The following EIF4ENIF1 variants were observed in gnomAD, a reference collection of about 807,000 sequenced individuals.
The protein encoded by EIF4ENIF1 is eukaryotic translation initiation factor 4E transporter.
A neutral mutation model predicts 110.5 loss-of-function variants in EIF4ENIF1; 23 were observed. The ratio of observed to expected loss-of-function variants is 0.21; its 90% confidence interval spans 0.15 to 0.29. EIF4ENIF1 has a LOEUF of 0.29. Among genes scored for constraint, EIF4ENIF1 ranks in the 10% least tolerant of loss-of-function variants. EIF4ENIF1 has a pLI of 1.00. For synonymous variants in EIF4ENIF1, 440 were observed against 437.0 expected, an observed-to-expected ratio of 1.01 and a Z score of -0.09; for missense variants, 1,031 against 1,221.1, an observed-to-expected ratio of 0.84 and a Z score of 2.32.
upstream of EIF4ENIF1, among the ~76,000 whole-genome samples, chr22:31,490,678 A>T (rs1396282360): frequency 6.6e-6 from 1 of 152,140 alleles, no homozygotes. Context: ...TCAGGCTGAC[A>T]GGGGGCCACA....
rs189654409 is a variant in EIF4ENIF1, at chr22:31,486,857, G to T, written c.96+1766C>A. On this transcript the variant is annotated intron_variant, in intron 2 of 18. Coordinates refer to ENST00000330125, the MANE Select transcript of EIF4ENIF1 (RefSeq NM_019843.4). ...GCACTTTGGGAGGCCAAGGCGGGCAGATCACCTGAGGTTGGGAGTTCGAGA... is the reference window on the plus strand; with the variant it reads ...GCACTTTGGGAGGCCAAGGCGGGCATATCACCTGAGGTTGGGAGTTCGAGA... 1.6e-4 allele frequency among the ~76,000 whole-genome samples: 24 copies of T among 150,838 alleles called. No homozygotes were observed. The East Asian group carries it at 4.7e-3, about 30-fold the overall frequency.
intron 2 of EIF4ENIF1, among the ~76,000 whole-genome samples, chr22:31,473,515 TA>T (rs1184123846): frequency 6.6e-6 from 1 of 152,222 alleles, no homozygotes; most frequent in Non-Finnish European, 1.5e-5. Flanking sequence ...TGGTCTCCCT[TA>T]ATCTAGAACA....
intron 16 of EIF4ENIF1, 138 bp downstream of exon 16, chr22:31,442,824 T>G: frequency 8.5e-7 from 1 of 1,172,002 alleles, no homozygotes; most frequent in Non-Finnish European, 1.2e-6. Flanking sequence ...ACCTTCTCAC[T>G]GACACAGAAC....
In EIF4ENIF1 at chr22:31,466,058, C is replaced by G. The variant is rs532233050; in HGVS notation, c.299-2091G>C. On this transcript the variant is annotated intron_variant, in intron 4 of 18. Transcript: ENST00000330125. The stretch of plus-strand genomic sequence containing the variant: ...TGGGAGGCCAAGACAGGTGGATCAC[C>G]TGAGGTTGGGAGTTCAACACCAGCC... Among the ~76,000 whole-genome samples, 20 of 152,200 alleles carry G rather than the reference C, an allele frequency of 1.3e-4. No homozygotes were observed. The South Asian group carries it at 4.0e-3, about 30-fold the overall frequency.
At chr22:31,440,650 C>A in intron 18 of EIF4ENIF1, 54 bp downstream of exon 18, 4 of 1,567,448 alleles carry the variant, frequency 2.6e-6, no homozygotes, top group Non-Finnish European at 3.4e-6. Context: ...GTCCTCAAAG[C>A]TTCAAGACTC....
rs201881375 is a variant in EIF4ENIF1, at chr22:31,486,281, AAAT to A, written c.96+2339_96+2341del. 7.2e-3 allele frequency among the ~76,000 whole-genome samples: 16 copies of A among 2,228 alleles called. No individual in the cohort carries two copies. In the East Asian group the frequency reaches 0.1, roughly 14 times the overall value. 1.5% of individuals were successfully genotyped at this position (2,228 alleles called of 152,430 possible). ...GCGAAACTCCGTCTCAAAAAAAAAA[AAAT>A]AAAAATAAAAATAAAAATACAAAAA... On this transcript the variant is annotated intron_variant, in intron 2 of 18. Coordinates refer to ENST00000330125, the MANE Select transcript of EIF4ENIF1 (RefSeq NM_019843.4).
chr22:31,490,215 T>G (rs938317365), upstream of EIF4ENIF1, among the ~76,000 whole-genome samples: 1 of 152,206 alleles, frequency 6.6e-6, no homozygotes, highest in African/African-American at 2.4e-5. Flanking sequence ...AGGCGGTGGC[T>G]AGATGGGGCT....
At chr22:31,487,801 A>G (rs2052100402) in intron 2 of EIF4ENIF1, among the ~76,000 whole-genome samples, 1 of 151,504 alleles carries the variant, frequency 6.6e-6, no homozygotes, top group African/African-American at 2.4e-5. Context: ...TGCAAAAAAA[A>G]AAAAAAAAAA....
intron 2 of EIF4ENIF1, among the ~76,000 whole-genome samples, chr22:31,481,542 A>C (rs764525546): frequency 6.6e-6 from 1 of 152,232 alleles, no homozygotes; most frequent in Non-Finnish European, 1.5e-5. Context: ...CTCAGTTTAT[A>C]AAAGATACAT....
rs766117151 is a variant in EIF4ENIF1, at chr22:31,454,191, T to C, written c.1465A>G (p.Ser489Gly). ...AAAGTCCCACTTGCCTTCATTGTGC[T>C]CACTAGCTTGTTGAACGCAGTCATG... Reference protein sequence around the residue: ...GDMTAFNKLVSTMKASGTLPS... With the variant: ...GDMTAFNKLVGTMKASGTLPS... Residue 489 changes from serine to glycine, a missense_variant, in exon 10 of 19, where the codon AGC (serine) becomes GGC (glycine). Around this residue, in one of 3 missense-constraint regions of EIF4ENIF1, gnomAD observed 704 missense variants for 879.7 expected, o/e 0.80. Coordinates refer to ENST00000330125, the MANE Select transcript of EIF4ENIF1 (RefSeq NM_019843.4). 3 of 1,614,222 alleles carry C rather than the reference T, an allele frequency of 1.9e-6. No individual in the cohort carries two copies. The highest frequency in any genetic ancestry group is 2.5e-6 in the Non-Finnish European group (3 of 1,180,030).
chr22:31,470,771 C>G (rs2146030607), intron 3 of EIF4ENIF1, among the ~76,000 whole-genome samples: 1 of 149,300 alleles, frequency 6.7e-6, no homozygotes, highest in African/African-American at 2.5e-5. Flanking sequence ...CATCCTCAAG[C>G]TCCTGGGCTC....
intron 2 of EIF4ENIF1, among the ~76,000 whole-genome samples, chr22:31,478,786 T>A (rs1601642606): frequency 6.6e-6 from 1 of 150,756 alleles, no homozygotes; most frequent in Non-Finnish European, 1.5e-5. Context: ...CCCGTCTCTA[T>A]CAAAAATACA....
chr22:31,440,762 G>A lies in EIF4ENIF1; in HGVS notation c.2658C>T (p.Asn886=), dbSNP rs1384077841. 1 of 1,613,876 alleles carries A rather than the reference G, an allele frequency of 6.2e-7. No homozygotes were observed. The highest frequency in any genetic ancestry group is 1.3e-5 in the African/African-American group (1 of 74,920). Residue 886 remains asparagine (N), a synonymous_variant, in exon 18 of 19, where the codon AAC becomes AAT. Transcript: ENST00000330125. ...GATGCAGAGGTGTTCCAGGACGAGG[G>A]TTTAAGAGAGGGTGACTAGCAGCAG... ...PLPAASHPLL[N]PRPGTPLHLA...
At chr22:31,493,482 C>T (rs2052299896), upstream of EIF4ENIF1, among the ~76,000 whole-genome samples, 1 of 152,156 alleles carries the variant, frequency 6.6e-6, no homozygotes, top group Non-Finnish European at 1.5e-5. Context: ...TGTGCCACCA[C>T]ACCTGGCTAA....
chr22:31,464,699 A>ATAT (rs1555908580), intron 4 of EIF4ENIF1, among the ~76,000 whole-genome samples: 6 of 39,128 alleles, frequency 1.5e-4, no homozygotes, highest in Admixed American at 5.2e-4. Context: ...AAAAAAAAAA[A>ATAT]ATATATATAT....
At position 31,457,020 on chromosome 22, in the gene EIF4ENIF1, A is replaced by G. The variant is rs2050852056; in HGVS notation, c.964-1033T>C. Reference sequence around the variant, plus strand: ...GAAAGAAAACCATTGCTTCAAACTTAGTGGTTTCAAGGTTGTAATGAACAT... The same window carrying G: ...GAAAGAAAACCATTGCTTCAAACTTGGTGGTTTCAAGGTTGTAATGAACAT... On this transcript the variant is annotated intron_variant, in intron 7 of 18. Coordinates refer to ENST00000330125, the MANE Select transcript of EIF4ENIF1 (RefSeq NM_019843.4). Among the ~76,000 whole-genome samples, 3 of 152,200 alleles carry G rather than the reference A, an allele frequency of 2.0e-5. No homozygotes were observed. In the South Asian group the frequency reaches 6.2e-4, roughly 31 times the overall value.
intron 12 of EIF4ENIF1, among the ~76,000 whole-genome samples, chr22:31,448,954 A>G (rs781207737): frequency 2.6e-5 from 4 of 152,220 alleles, no homozygotes; most frequent in African/African-American, 9.6e-5. Flanking sequence ...ACATGAACAT[A>G]TTCACCTAGA....
chr22:31,439,911 A>G lies in EIF4ENIF1; in HGVS notation c.2927T>C (p.Ile976Thr), dbSNP rs768803810. 4 of 1,614,028 alleles carry G rather than the reference A, an allele frequency of 2.5e-6. No homozygotes were observed. Among genetic ancestry groups the G allele is most frequent in the South Asian group, 2.2e-5 (2 of 91,084 alleles). The change falls in exon 19 of 19, where the codon ATC becomes ACC. Residue 976 changes from isoleucine (I) to threonine (T), a missense_variant. Around this residue, in one of 3 missense-constraint regions of EIF4ENIF1, gnomAD observed 18 missense variants for 42.3 expected, o/e 0.43. Coordinates refer to ENST00000330125, the MANE Select transcript of EIF4ENIF1 (RefSeq NM_019843.4). Reference protein sequence around the residue: ...QPLPSMPAKVISVDELEYRQ With the variant: ...QPLPSMPAKVTSVDELEYRQ ...TCGGTATTCCAATTCATCTACACTG[A>G]TAACTTTGGCGGGCATGGAGGGCAG...
intron 9 of EIF4ENIF1, 113 bp from the exon 10 acceptor site, chr22:31,454,489 G>A (rs1002008022): frequency 2.2e-6 from 2 of 894,892 alleles, no homozygotes; most frequent in East Asian, 5.3e-5. Flanking sequence ...ATTGAGATGA[G>A]ACTGTCAGAA....
Sources: gnomAD v4.1 joint callset for allele counts (sites outside exome capture counted in the v4.1 genomes callset) on GRCh38, gnomAD v4.1.1 for gene constraint, gnomAD v4.1.1 regional missense constraint, MANE v1.5 for transcripts, NCBI Gene and HGNC (gene_info 2026-07-23, HGNC 2026-07-21) for gene names.